The following CD36 variants were observed in gnomAD, a reference collection of about 807,000 sequenced individuals.
The protein encoded by CD36 is CD36 molecule (CD36 blood group), also known as platelet glycoprotein 4.
A neutral mutation model predicts 55.2 loss-of-function variants in CD36; 119 were observed. That is an observed-to-expected ratio of 2.15 (90% CI 1.86 to 2.51). The LOEUF is 2.51. Among genes scored for constraint, CD36 ranks in the 30% most tolerant of loss-of-function variants. The pLI is 0.00. For synonymous variants in CD36, 186 were observed against 193.6 expected, an observed-to-expected ratio of 0.96 and a Z score of 0.33; for missense variants, 819 against 555.5, an observed-to-expected ratio of 1.47 and a Z score of -4.77.
chr7:80,656,561 A>G lies in CD36; in HGVS notation c.142A>G (p.Thr48Ala), dbSNP rs1796093942. The G allele has an allele frequency of 6.2e-7, 1 of 1,613,678 alleles. No individual in the cohort carries two copies. Among genetic ancestry groups the G allele is most frequent in the South Asian group, 1.1e-5 (1 of 91,076 alleles). Reference sequence around the variant, plus strand: ...ATAGCAAGTTGTCCTCGAAGAAGGTACAATTGCTTTTAAAAATTGGGTTAA... The same window carrying G: ...ATAGCAAGTTGTCCTCGAAGAAGGTGCAATTGCTTTTAAAAATTGGGTTAA... ...IKKQVVLEEG[T>A]IAFKNWVKTG... Residue 48 changes from threonine to alanine, a missense_variant, in exon 4 of 15, where the codon ACA becomes GCA. By Grantham distance (58) the Thr-to-Ala change is moderately conservative. Coordinates refer to ENST00000447544, the MANE Select transcript of CD36 (RefSeq NM_001001548.3).
chr7:80,634,148 C>T (rs1372403869), upstream of CD36, among the ~76,000 whole-genome samples: 1 of 151,910 alleles, frequency 6.6e-6, no homozygotes, highest in African/African-American at 2.4e-5. Context: ...GCTGTGTGAA[C>T]TCAGCTAGTC....
chr7:80,617,174 A>G (rs73378932), intron 1 of CD36, among the ~76,000 whole-genome samples: 1,819 of 152,266 alleles, frequency 0.012, 40 homozygotes, highest in African/African-American at 0.042. Context: ...TCAATTTTTG[A>G]AAATTAAAAT....
intron 1 of CD36, chr7:80,625,184 G>A (rs1354473960): frequency 6.6e-6 from 1 of 152,072 alleles, no homozygotes; most frequent in Non-Finnish European, 1.5e-5. Flanking sequence ...GTTTTCCATG[G>A]TAAGAATTAG....
At chr7:80,668,164 C>T (rs1041183730) in intron 8 of CD36, among the ~76,000 whole-genome samples, 9 of 151,998 alleles carry the variant, frequency 5.9e-5, no homozygotes, top group Non-Finnish European at 1.3e-4. Context: ...GTTGTATAAG[C>T]GGAATACTTA....
chr7:80,604,350 A>ATTTTTTTTTTTTT lies in CD36; in HGVS notation c.-184+1999_-184+2011dup, dbSNP rs67213422. On this transcript the variant is annotated intron_variant, in intron 1 of 13. Transcript: ENST00000309881. ...TACAGTAATTGGCTAAGCCACTGGA[A>ATTTTTTTTTTTTT]TTTTTTTTTTTTTTTTTTTTTTTTT... is the stretch of plus-strand genomic sequence containing the variant. Among the ~76,000 whole-genome samples the ATTTTTTTTTTTTT allele has an allele frequency of 3.3e-3, 179 of 54,270 alleles. 40 individuals carry two copies. Among genetic ancestry groups the ATTTTTTTTTTTTT allele is most frequent in the Non-Finnish European group, 4.9e-3 (117 of 24,044 alleles). 35.6% of individuals were successfully genotyped at this position (54,270 alleles called of 152,430 possible).
intron 1 of CD36, among the ~76,000 whole-genome samples, chr7:80,609,767 A>G (rs1342837302): frequency 6.6e-6 from 1 of 152,254 alleles, no homozygotes; most frequent in Non-Finnish European, 1.5e-5. Flanking sequence ...GATTTCAACA[A>G]CAAGAGCTTG....
chr7:80,627,584 T>C (rs1369822588), intron 1 of CD36, among the ~76,000 whole-genome samples: 1 of 151,778 alleles, frequency 6.6e-6, no homozygotes, highest in African/African-American at 2.4e-5. Flanking sequence ...TGTTAGCCTT[T>C]AAGGAGATAG....
At position 80,672,811 on chromosome 7, in the gene CD36, C is replaced by A. The variant is rs755542091; in HGVS notation, c.1167C>A (p.Val389=). Residue 389 remains valine (V), a synonymous_variant, in exon 12 of 15, where the codon GTC becomes GTA. Transcript: ENST00000447544. ...FTLQFAKRLQ[V]NLLVKPSEKI... ...TACAATTTGCAAAACGGCTGCAGGTCAACCTATTGGTCAAGCCATCAGAAA... is the reference window on the plus strand; with the variant it reads ...TACAATTTGCAAAACGGCTGCAGGTAAACCTATTGGTCAAGCCATCAGAAA... 4 of 1,610,922 alleles carry A rather than the reference C, an allele frequency of 2.5e-6. No individual in the cohort carries two copies. Among genetic ancestry groups the A allele is most frequent in the East Asian group, 2.2e-5 (1 of 44,622 alleles).
intron 14 of CD36, 93 bp downstream of exon 14, chr7:80,674,240 ATATATTTCTAGACATGTCTAGCC>A: frequency 1.1e-6 from 1 of 876,382 alleles, no homozygotes; most frequent in Non-Finnish European, 1.8e-6. Context: ...ATTAGGCCAT[ATATATTTCTAGACATGTCTAGCC>A]ACTGATCATT....
At chr7:80,671,195 T>C (rs1382560868) in intron 10 of CD36, 31 bp downstream of exon 10, 1 of 1,422,470 alleles carries the variant, frequency 7.0e-7, no homozygotes, top group South Asian at 1.2e-5. Flanking sequence ...GCACAGTCCA[T>C]ACCATAATTT....
At chr7:80,640,136 T>C (rs2116287167) in intron 1 of CD36, among the ~76,000 whole-genome samples, 1 of 152,144 alleles carries the variant, frequency 6.6e-6, no homozygotes, top group South Asian at 2.1e-4. Flanking sequence ...TCCTTGCATC[T>C]AATCAGAAGA....
At chr7:80,628,115 G>A (rs1368968652) in intron 1 of CD36, among the ~76,000 whole-genome samples, 1 of 151,796 alleles carries the variant, frequency 6.6e-6, no homozygotes, top group Non-Finnish European at 1.5e-5. Flanking sequence ...ATAAACAAAG[G>A]TACTTCCTCT....
chr7:80,622,362 G>T (rs1177959664), intron 1 of CD36, among the ~76,000 whole-genome samples: 1 of 152,196 alleles, frequency 6.6e-6, no homozygotes, highest in Non-Finnish European at 1.5e-5. Flanking sequence ...CTTGCAAAGA[G>T]ACCATGAAGA....
At chr7:80,672,910 T>A in intron 12 of CD36, 67 bp downstream of exon 12, 1 of 1,014,694 alleles carries the variant, frequency 9.9e-7, no homozygotes. Flanking sequence ...TGTAAGAACA[T>A]GAGTAAATCT....
At chr7:80,606,404 A>T (rs1315890026) in intron 1 of CD36, among the ~76,000 whole-genome samples, 1 of 152,122 alleles carries the variant, frequency 6.6e-6, no homozygotes, top group East Asian at 1.9e-4. Context: ...TCACAAAATG[A>T]ATTATGGGAT....
intron 1 of CD36, among the ~76,000 whole-genome samples, chr7:80,629,917 C>A: frequency 6.9e-6 from 1 of 144,946 alleles, no homozygotes. Context: ...TTTTTGGTAT[C>A]ATGAAAAAAA....
intron 8 of CD36, 141 bp from the exon 9 acceptor site, chr7:80,669,812 C>T: frequency 1.4e-6 from 1 of 729,052 alleles, no homozygotes; most frequent in Admixed American, 1.9e-5. Flanking sequence ...TTTCTTTTTA[C>T]CTTTTAAAAA....
rs1562831665 is a variant in CD36, at chr7:80,676,807, C to A, written c.*424C>A. 2 of 142,772 alleles carry A rather than the reference C, an allele frequency of 1.4e-5. No homozygotes were observed. The highest frequency in any genetic ancestry group is 2.6e-5 in the African/African-American group (1 of 39,186). The allele number at this position is 142,772 out of a possible 1,614,324, so 8.8% of individuals were successfully genotyped here. ...TCTTCTGGAAATTGAGTAAATTTTGCTTTTTTTTTTTTACTCAGTTGCAAC... is the reference window on the plus strand; with the variant it reads ...TCTTCTGGAAATTGAGTAAATTTTGATTTTTTTTTTTTACTCAGTTGCAAC... On this transcript the variant is annotated 3_prime_UTR_variant, in exon 15 of 15. Coordinates refer to ENST00000447544, the MANE Select transcript of CD36 (RefSeq NM_001001548.3).
chr7:80,662,718 A>G lies in CD36; in HGVS notation c.430-272A>G, dbSNP rs3211899. 2,907 of 427,108 alleles carry G rather than the reference A, an allele frequency of 6.8e-3. 86 individuals carry two copies. The highest frequency in any genetic ancestry group is 0.053 in the African/African-American group (2,623 of 49,718). 26.5% of individuals were successfully genotyped at this position (427,108 alleles called of 1,614,324 possible). ...TTTTAAGCCCCGTATGCCTTAATGC[A>G]TTAGATATTTGAGAAGACCACTTTA... On this transcript the variant is annotated intron_variant, in intron 5 of 14. Transcript: ENST00000447544.
Sources: gnomAD v4.1 joint callset for allele counts (sites outside exome capture counted in the v4.1 genomes callset) on GRCh38, gnomAD v4.1.1 for gene constraint, MANE v1.5 for transcripts, NCBI Gene and HGNC (gene_info 2026-07-23, HGNC 2026-07-21) for gene names.